The following PRDM6 variants were observed in gnomAD, a reference collection of about 807,000 sequenced individuals.
PRDM6 encodes the protein PR/SET domain 6.
In PRDM6, 25 loss-of-function variants were observed where a neutral mutation model predicts 60.8. That is an observed-to-expected ratio of 0.41 (90% confidence interval 0.30 to 0.57). The LOEUF is 0.57. Ranked by LOEUF, PRDM6 falls within the 20% of genes least tolerant of loss-of-function variation. PRDM6 has a pLI of 0.27. For synonymous variants in PRDM6, 407 were observed against 357.4 expected (o/e 1.14, Z -1.57); for missense variants, 839 against 821.3 (o/e 1.02, Z -0.26).
rs1766369428 is a variant in PRDM6 at position 123,189,722 on chromosome 5, C to T, written c.*2521C>T. 1 of 152,134 alleles carries T rather than the reference C, an allele frequency of 6.6e-6. No homozygotes were observed. Among genetic ancestry groups the T allele is most frequent in the Non-Finnish European group, 1.5e-5 (1 of 68,020 alleles). The allele number at this position is 152,134 out of a possible 1,614,324, so 9.4% of individuals were successfully genotyped here. A position where few individuals can be genotyped will look rare whatever the true frequency, so the allele number is the denominator to read the frequency against. On this transcript the variant is annotated 3_prime_UTR_variant, in exon 8 of 8. Transcript: ENST00000407847. ...TAGAAAATTGGATACTCTAATTTTC[C>T]AGGCATGTGGGCACATTCACAATTT...
At chr5:123,141,823 C>T (rs544797929) in intron 3 of PRDM6, among the ~76,000 whole-genome samples, 173 of 152,248 alleles carry the variant, frequency 1.1e-3, no homozygotes, top group Non-Finnish European at 2.2e-3. Flanking sequence ...TCAGGCTCTT[C>T]ACATGGACAA....
chr5:123,130,088 TCCCTCCCCTC>T (rs374831218), intron 3 of PRDM6, among the ~76,000 whole-genome samples: 1 of 50,584 alleles, frequency 2.0e-5, no homozygotes, highest in Admixed American at 1.8e-4. Context: ...TCCTTTCTAT[TCCCTCCCCTC>T]CCCTCCCCTC....
Position 123,090,067 on chromosome 5 carries a change from C to G in PRDM6, c.53C>G (p.Ala18Gly). The G allele has an allele frequency of 6.5e-7, 1 of 1,548,444 alleles. No homozygotes were observed. The highest frequency in any genetic ancestry group is 8.7e-7 in the Non-Finnish European group (1 of 1,146,088). ...TCGGCCTTCCTCAAAGTGGACCCAG[C>G]CTACCTGCAGCACTGGCAGCAACTC... Reference protein sequence around the residue: ...GGSAFLKVDPAYLQHWQQLFP... With the variant: ...GGSAFLKVDPGYLQHWQQLFP... The change falls in exon 2 of 8, where the codon GCC (alanine) becomes GGC (glycine). Residue 18 changes from alanine (A) to glycine (G), a missense_variant. Physicochemically the swap from Ala to Gly is moderately conservative, Grantham distance 60. Transcript: ENST00000407847.
At position 123,170,776 on chromosome 5, in the gene PRDM6, T is replaced by C; in HGVS notation, c.1164T>C (p.Pro388=). Residue 388 remains proline, a synonymous_variant, in exon 6 of 8, where the codon CCT becomes CCC. Transcript: ENST00000407847. ...TTGCTATTCTCCTAGTAAATGTCCC[T>C]TCAACGGTAATGGAAGCCATGTGCA... ...CIAQDENLNV[P]STVMEAMCRQ... 1 of 1,549,944 alleles carries C rather than the reference T, an allele frequency of 6.5e-7. No individual in the cohort carries two copies.
intron 2 of PRDM6, 57 bp downstream of exon 2, chr5:123,090,663 G>T (rs935352863): frequency 5.2e-6 from 7 of 1,342,376 alleles, no homozygotes; most frequent in African/African-American, 4.5e-5. Flanking sequence ...GCGCCGGCGG[G>T]CGCGGGTGCC....
chr5:123,194,050 A>G lies in PRDM6; in HGVS notation c.*6849A>G, dbSNP rs1766479666. Reference sequence around the variant, plus strand: ...TGATTATCCCACAGTAAGAATGGGTAAAACTTAATAAAGTTTTCTAACTTT... The same window carrying G: ...TGATTATCCCACAGTAAGAATGGGTGAAACTTAATAAAGTTTTCTAACTTT... On this transcript the variant is annotated 3_prime_UTR_variant, in exon 8 of 8. Transcript: ENST00000407847. 6.6e-6 allele frequency: 1 copy of G among 152,158 alleles called. No homozygotes were observed. The highest frequency in any genetic ancestry group is 2.4e-5 in the African/African-American group (1 of 41,438). The allele number at this position is 152,158 out of a possible 1,614,324, so 9.4% of individuals were successfully genotyped here.
intron 7 of PRDM6, 83 bp downstream of exon 7, chr5:123,180,406 G>A: frequency 7.3e-7 from 1 of 1,370,044 alleles, no homozygotes; most frequent in Non-Finnish European, 9.7e-7. Context: ...GTGCTGCCTG[G>A]CTTAGCCAGC....
intron 3 of PRDM6, among the ~76,000 whole-genome samples, chr5:123,148,448 G>A (rs1765296684): frequency 6.6e-6 from 1 of 152,124 alleles, no homozygotes; most frequent in African/African-American, 2.4e-5. Flanking sequence ...ATAGGTGGAG[G>A]AGGGAGAAAC....
At chr5:123,111,676 C>A (rs1040337771) in intron 3 of PRDM6, among the ~76,000 whole-genome samples, 1 of 137,686 alleles carries the variant, frequency 7.3e-6, no homozygotes, top group Non-Finnish European at 1.6e-5. Context: ...CCAGCAGGGG[C>A]GACAGAGCGA....
chr5:123,143,366 TG>T (rs2126862916), intron 3 of PRDM6, among the ~76,000 whole-genome samples: 1 of 152,280 alleles, frequency 6.6e-6, no homozygotes, highest in East Asian at 1.9e-4. Context: ...AGCCCACAGA[TG>T]CTTCCTGTGG....
At chr5:123,185,125 G>C (rs1766255296) in intron 7 of PRDM6, among the ~76,000 whole-genome samples, 1 of 152,070 alleles carries the variant, frequency 6.6e-6, no homozygotes, top group Non-Finnish European at 1.5e-5. Context: ...CATCCAATCT[G>C]GATGTTAAAA....
intron 3 of PRDM6, among the ~76,000 whole-genome samples, chr5:123,140,280 A>T (rs1765067636): frequency 6.6e-6 from 1 of 152,094 alleles, no homozygotes; most frequent in Admixed American, 6.6e-5. Flanking sequence ...TTTCAGAAAA[A>T]AAAAAAAGGT....
chr5:123,145,231 C>A (rs1765214154), intron 3 of PRDM6, among the ~76,000 whole-genome samples: 1 of 152,158 alleles, frequency 6.6e-6, no homozygotes, highest in Admixed American at 6.5e-5. Flanking sequence ...TTCTAGACAA[C>A]AAATATCCAA....
chr5:123,090,610 C>T lies in PRDM6; in HGVS notation c.592+4C>T, dbSNP rs376110738. The T allele has an allele frequency of 1.1e-4, 161 of 1,517,970 alleles. No homozygotes were observed. The highest frequency in any genetic ancestry group is 1.4e-4 in the Non-Finnish European group (154 of 1,140,534). The allele number at this position is 1,517,970 out of a possible 1,614,324, so 94.0% of individuals were successfully genotyped here. ...CACACCAGCGACCCCAACAACCGTA[C>T]GTAGCCGCAGCCCGCGCGCTCTCTC... On this transcript the variant is annotated splice_donor_region_variant and intron_variant, in intron 2 of 7. Coordinates refer to ENST00000407847, the MANE Select transcript of PRDM6 (RefSeq NM_001136239.4).
At chr5:123,141,048 AG>A (rs1421135709) in intron 3 of PRDM6, among the ~76,000 whole-genome samples, 2 of 152,038 alleles carry the variant, frequency 1.3e-5, no homozygotes, top group African/African-American at 4.8e-5. Flanking sequence ...AATAGAGAAA[AG>A]TATAAGCCAT....
At chr5:123,090,645 CG>C (rs1763814717) in intron 2 of PRDM6, 39 bp downstream of exon 2, 1 of 446,590 alleles carries the variant, frequency 2.2e-6, no homozygotes, top group Non-Finnish European at 3.1e-6. Context: ...CCCGGGGCGC[CG>C]GCGCCGGCGC....
intron 5 of PRDM6, among the ~76,000 whole-genome samples, chr5:123,163,689 G>T (rs1765684423): frequency 6.6e-6 from 1 of 152,178 alleles, no homozygotes; most frequent in South Asian, 2.1e-4. Context: ...GTTCCCCAAA[G>T]CTTCCAGTGG....
chr5:123,107,345 A>G (rs1390770348), intron 3 of PRDM6, among the ~76,000 whole-genome samples: 1 of 152,254 alleles, frequency 6.6e-6, no homozygotes, highest in African/African-American at 2.4e-5. Flanking sequence ...TTTTAGGTCA[A>G]TTAATTTTAG....
intron 3 of PRDM6, among the ~76,000 whole-genome samples, chr5:123,155,386 C>T (rs1261996520): frequency 1.3e-5 from 2 of 149,946 alleles, no homozygotes; most frequent in Non-Finnish European, 3.0e-5. Flanking sequence ...GTCTGTTTTG[C>T]CAGTTCTTTA....
Sources: allele counts gnomAD v4.1 joint callset (sites outside exome capture counted in the v4.1 genomes callset), GRCh38; gene constraint gnomAD v4.1.1; transcripts MANE v1.5; gene names NCBI Gene and HGNC (gene_info 2026-07-23, HGNC 2026-07-21).